The following ABHD16A variants were observed in gnomAD, a reference collection of about 807,000 sequenced individuals.
ABHD16A encodes abhydrolase domain containing 16A, phospholipase, also known as phosphatidylserine lipase ABHD16A.
Under a neutral mutation model 89.8 loss-of-function variants are expected in ABHD16A, and 47 were observed. The observed-to-expected ratio is 0.52, with a 90% CI of 0.41 to 0.67. The LOEUF (loss-of-function observed/expected upper bound fraction) is 0.67. Ranked by LOEUF, ABHD16A falls within the 30% of genes least tolerant of loss-of-function variation. ABHD16A has a pLI of 0.00. For missense variants in ABHD16A, 580 were observed against 734.6 expected (o/e 0.79, Z 2.43); for synonymous variants, 251 against 280.4 (o/e 0.90, Z 1.05).
At chr6:31,699,475 A>G (rs1038180984) in intron 4 of ABHD16A, among the ~76,000 whole-genome samples, 1 of 149,382 alleles carries the variant, frequency 6.7e-6, no homozygotes, top group African/African-American at 2.6e-5. Context: ...TCAAACATGC[A>G]CATCCCTTTT....
rs955753379 is a variant in ABHD16A, at chr6:31,687,623, T to G, written c.1546+19A>C. The G allele has an allele frequency of 2.5e-6, 4 of 1,612,930 alleles. No homozygotes were observed. Among genetic ancestry groups the G allele is most frequent in the Middle Eastern group, 1.6e-4 (1 of 6,062 alleles). ...CCTAGGCCCTTCCCACCCTCTCTCC[T>G]GCCCCAGGAGCTCCTTACCCACGCT... On this transcript the variant is annotated intron_variant, in intron 18 of 19. Transcript: ENST00000395952. This position sits in a 1 kb window ranked among gnomAD's most constrained non-coding sequence, Gnocchi z 6.3.
rs771516951 is a variant in ABHD16A at position 31,687,330 on chromosome 6, G to A, written c.1594-35C>T. On this transcript the variant is annotated intron_variant, in intron 19 of 19. Transcript: ENST00000395952. This position sits in a 1 kb window ranked among gnomAD's most constrained non-coding sequence, Gnocchi z 6.3. The stretch of plus-strand genomic sequence containing the variant: ...GGAGGTGGGACAGGTGGGGTACAGA[G>A]CACTGTTGGGAGGGGCAGCCACTGG... The A allele has an allele frequency of 4.4e-6, 7 of 1,608,904 alleles. No individual in the cohort carries two copies. The South Asian group carries it at 5.5e-5, about 13-fold the overall frequency.
Position 31,690,218 on chromosome 6 carries a change from CT to C in ABHD16A, c.908-92del. On this transcript the variant is annotated intron_variant, in intron 10 of 19. Coordinates refer to ENST00000395952, the MANE Select transcript of ABHD16A (RefSeq NM_021160.3). This position sits in a 1 kb window ranked among gnomAD's most constrained non-coding sequence, Gnocchi z 4.1. ...AAGGAAGAGCAGAAGTACCCCCCAG[CT>C]TAGATGCAAATAACTCCAAGCCTTC... 7.9e-7 allele frequency: 1 copy of C among 1,265,860 alleles called. No homozygotes were observed. Among genetic ancestry groups the C allele is most frequent in the South Asian group, 1.5e-5 (1 of 67,518 alleles). The allele number at this position is 1,265,860 out of a possible 1,614,324, so 78.4% of individuals were successfully genotyped here. A position where few individuals can be genotyped will look rare whatever the true frequency, so the allele number is the denominator to read the frequency against.
chr6:31,700,189 A>C (rs1681347396), intron 4 of ABHD16A, among the ~76,000 whole-genome samples: 1 of 151,268 alleles, frequency 6.6e-6, no homozygotes, highest in East Asian at 2.0e-4. Flanking sequence ...GCAGTAGCGC[A>C]ATCTCGTCTC....
intron 5 of ABHD16A, among the ~76,000 whole-genome samples, chr6:31,696,380 C>G (rs961602659): frequency 6.6e-6 from 1 of 151,232 alleles, no homozygotes; most frequent in Non-Finnish European, 1.5e-5. Flanking sequence ...CGCCTGTAAT[C>G]CCAGCACTTT....
Position 31,693,500 on chromosome 6 carries a change from A to G in ABHD16A, c.430-68T>C. 6.8e-7 allele frequency: 1 copy of G among 1,462,200 alleles called. No homozygotes were observed. The highest frequency in any genetic ancestry group is 1.2e-5 in the South Asian group (1 of 86,494). 90.6% of individuals were successfully genotyped at this position (1,462,200 alleles called of 1,614,324 possible). ...GGAGGCTCTCCTACCCACCCTCAAC[A>G]ACACCTTCGTTATCCAGGGGTCTGA... On this transcript the variant is annotated intron_variant, in intron 5 of 19. Coordinates refer to ENST00000395952, the MANE Select transcript of ABHD16A (RefSeq NM_021160.3). This position sits in a 1 kb window ranked among gnomAD's most constrained non-coding sequence, Gnocchi z 5.0.
Position 31,693,114 on chromosome 6 carries a change from A to G in ABHD16A, c.539T>C (p.Val180Ala), listed in dbSNP as rs923443798. ...CAGGGGCTCTGGGCGAAGCAGGGCC[A>G]CACCCCGGCGGGAAGGGCCCCCTCG... Reference protein sequence around the residue: ...ESRGGPSRRGVALLRPEPLHR... With the variant: ...ESRGGPSRRGAALLRPEPLHR... Residue 180 changes from valine to alanine, a missense_variant, in exon 7 of 20, where the codon GTG (valine) becomes GCG (alanine). Val to Ala is a moderately conservative substitution (Grantham distance 64, BLOSUM62 0). This residue lies in a region of ABHD16A where 415 missense variants were observed against 568.8 expected (regional missense o/e 0.73). Coordinates refer to ENST00000395952, the MANE Select transcript of ABHD16A (RefSeq NM_021160.3). The surrounding 1 kb of genome is among the most constrained non-coding windows in gnomAD (Gnocchi z 5.0). 3 of 1,613,932 alleles carry G rather than the reference A, an allele frequency of 1.9e-6. No individual in the cohort carries two copies. Among genetic ancestry groups the G allele is most frequent in the Admixed American group, 3.3e-5 (2 of 60,002 alleles).
intron 12 of ABHD16A, among the ~76,000 whole-genome samples, 161 bp downstream of exon 12, chr6:31,689,420 G>C (rs1367876137): frequency 6.6e-6 from 1 of 152,146 alleles, no homozygotes; most frequent in Non-Finnish European, 1.5e-5. Flanking sequence ...GAAAGGTGAA[G>C]TGTATGCAAA....
chr6:31,701,898 G>A (rs1483125382), intron 2 of ABHD16A, among the ~76,000 whole-genome samples, 176 bp downstream of exon 2: 1 of 152,186 alleles, frequency 6.6e-6, no homozygotes, highest in Admixed American at 6.5e-5. Flanking sequence ...CCAAAGGGGA[G>A]TGCCAAGTAT....
In ABHD16A at chr6:31,688,715, G is replaced by T; in HGVS notation, c.1250+8C>A. On this transcript the variant is annotated splice_region_variant and intron_variant, in intron 14 of 19. Coordinates refer to ENST00000395952, the MANE Select transcript of ABHD16A (RefSeq NM_021160.3). The surrounding 1 kb of genome is among the most constrained non-coding windows in gnomAD (Gnocchi z 4.9). ...GGTGTTCAATGCCGGACGCTGGCCG[G>T]CCCTCACCTGCACAGCTGCTCCGCG... 1 of 1,612,838 alleles carries T rather than the reference G, an allele frequency of 6.2e-7. No individual in the cohort carries two copies. Among genetic ancestry groups the T allele is most frequent in the Non-Finnish European group, 8.5e-7 (1 of 1,179,934 alleles).
At position 31,693,433 on chromosome 6, in the gene ABHD16A, C is replaced by T. The variant is rs556643228; in HGVS notation, c.430-1G>A. ...CAAAGTTGTAGTTGGCAAGCTGCCT[C>T]TGCAGTGGGCACGAGAGGCAAAGGG... On this transcript the variant is annotated splice_acceptor_variant, in intron 5 of 19. Coordinates refer to ENST00000395952, the MANE Select transcript of ABHD16A (RefSeq NM_021160.3). LOFTEE classifies it high-confidence loss of function. The surrounding 1 kb of genome is among the most constrained non-coding windows in gnomAD (Gnocchi z 5.0). 6.2e-7 allele frequency: 1 copy of T among 1,612,992 alleles called. No homozygotes were observed. The highest frequency in any genetic ancestry group is 8.5e-7 in the Non-Finnish European group (1 of 1,180,014).
chr6:31,691,401 T>G (rs111230991), intron 9 of ABHD16A, 178 bp downstream of exon 9: 1 of 597,138 alleles, frequency 1.7e-6, no homozygotes, highest in African/African-American at 1.9e-5. Context: ...TCTCTCCTAC[T>G]TCATCTGTTT....
chr6:31,692,753 C>T, intron 7 of ABHD16A: 1 of 260,748 alleles, frequency 3.8e-6, no homozygotes, highest in Non-Finnish European at 7.5e-6. Context: ...CCACCCCCAC[C>T]CCACCCCCAC....
chr6:31,701,430 G>A lies in ABHD16A; in HGVS notation c.190-90C>T, dbSNP rs535405116. On this transcript the variant is annotated intron_variant, in intron 2 of 19. Coordinates refer to ENST00000395952, the MANE Select transcript of ABHD16A (RefSeq NM_021160.3). ...ATATACTATACACTCTGAGCAAGATGGACAACCTGAGGGATATCATATCAT... is the reference window on the plus strand; with the variant it reads ...ATATACTATACACTCTGAGCAAGATAGACAACCTGAGGGATATCATATCAT... 60 of 1,085,788 alleles carry A rather than the reference G, an allele frequency of 5.5e-5. No individual in the cohort carries two copies. The African/African-American group carries it at 7.8e-4, about 14-fold the overall frequency. 67.3% of individuals were successfully genotyped at this position (1,085,788 alleles called of 1,614,324 possible).
chr6:31,702,075 A>G lies in ABHD16A; in HGVS notation c.188T>C (p.Leu63Pro), dbSNP rs1408471971. Reference protein sequence around the residue: ...LEKHADSILALASVFWSISYY... With the variant: ...LEKHADSILAPASVFWSISYY... ...TCCCAGATGCCAGGGTAGACATACC[A>G]GTGCCAGGATGCTGTCAGCATGTTT... The change falls in exon 2 of 20, where the codon CTG (leucine) becomes CCG (proline). Residue 63 changes from leucine to proline, a missense_variant and splice_region_variant. Physicochemically the swap from Leu to Pro is moderately conservative, Grantham distance 98. Around this residue, in one of 2 missense-constraint regions of ABHD16A, gnomAD observed 165 missense variants for 165.8 expected, o/e 1.00. Coordinates refer to ENST00000395952, the MANE Select transcript of ABHD16A (RefSeq NM_021160.3). 1.9e-6 allele frequency: 3 copies of G among 1,612,990 alleles called. No homozygotes were observed. The highest frequency in any genetic ancestry group is 1.7e-6 in the Non-Finnish European group (2 of 1,180,048).
At chr6:31,702,697 G>A (rs1484689806) in intron 1 of ABHD16A, 1 of 1,546,238 alleles carries the variant, frequency 6.5e-7, no homozygotes, top group Non-Finnish European at 8.7e-7. Flanking sequence ...GACGGATACA[G>A]GATCTGTAAA....
Position 31,702,139 on chromosome 6 carries a change from A to C in ABHD16A, c.133-9T>G. On this transcript the variant is annotated splice_polypyrimidine_tract_variant and intron_variant, in intron 1 of 19. Transcript: ENST00000395952. ...GGCTGATAGTACGTATCCTGCCAAA[A>C]CAGATGGCCTCCTTAAGGACCCTGC... The C allele has an allele frequency of 6.2e-7, 1 of 1,613,020 alleles. No individual in the cohort carries two copies. Among genetic ancestry groups the C allele is most frequent in the Non-Finnish European group, 8.5e-7 (1 of 1,180,002 alleles).
In ABHD16A at chr6:31,693,913, C is replaced by T. The variant is rs141431460; in HGVS notation, c.430-481G>A. ...GAAGTCACGCCCACAGTGGGCTCCT[C>T]TGCCATGTGGGGCCACCCGTTGAAG... On this transcript the variant is annotated intron_variant, in intron 5 of 19. Coordinates refer to ENST00000395952, the MANE Select transcript of ABHD16A (RefSeq NM_021160.3). The surrounding 1 kb of genome is among the most constrained non-coding windows in gnomAD (Gnocchi z 5.0). 6.6e-3 allele frequency among the ~76,000 whole-genome samples: 1,002 copies of T among 152,356 alleles called. 23 individuals carry two copies. In the South Asian group the frequency reaches 0.075, roughly 11 times the overall value.
chr6:31,689,456 C>T lies in ABHD16A; in HGVS notation c.1081+125G>A, dbSNP rs931031536. 49 of 1,329,772 alleles carry T rather than the reference C, an allele frequency of 3.7e-5. 3 individuals are homozygous for T. The highest frequency in any genetic ancestry group is 2.9e-4 in the East Asian group (11 of 37,528). The allele number at this position is 1,329,772 out of a possible 1,614,324, so 82.4% of individuals were successfully genotyped here. ...TAGGATAGCTTCTTCCAGGCCCACT[C>T]AGAGATTCTACTTCCTCTCTCTTCT... On this transcript the variant is annotated intron_variant, in intron 12 of 19. Transcript: ENST00000395952.
Sources: allele counts gnomAD v4.1 joint callset (sites outside exome capture counted in the v4.1 genomes callset), GRCh38; gene constraint gnomAD v4.1.1; regional missense constraint gnomAD v4.1.1; non-coding constraint Gnocchi (gnomAD v3.1); transcripts MANE v1.5; gene names NCBI Gene and HGNC (gene_info 2026-07-23, HGNC 2026-07-21).